The following BORCS5 variants were observed in gnomAD, a reference collection of about 807,000 sequenced individuals.
The protein encoded by BORCS5 is BLOC-1-related complex subunit 5.
In BORCS5, 17 loss-of-function variants were observed where a neutral mutation model predicts 22.1. The observed-to-expected ratio is 0.77, with a 90% CI of 0.53 to 1.15. The LOEUF is 1.15. Among genes scored for constraint, BORCS5 ranks in the 50% most tolerant of loss-of-function variants. The probability of loss-of-function intolerance (pLI) is 0.00; values close to 1 mark genes in which losing one functional copy is unlikely to be tolerated. For synonymous variants in BORCS5, 117 were observed against 99.8 expected (o/e 1.17, Z -1.03); for missense variants, 247 against 253.2 (o/e 0.98, Z 0.17).
chr12:12,432,894 A>C (rs984803937), intron 2 of BORCS5, among the ~76,000 whole-genome samples: 1 of 152,204 alleles, frequency 6.6e-6, no homozygotes, highest in Admixed American at 6.5e-5. Context: ...GGGATGAGAG[A>C]AAGAGTGGGG....
At chr12:12,394,865 C>G (rs1941293737) in intron 2 of BORCS5, among the ~76,000 whole-genome samples, 1 of 152,062 alleles carries the variant, frequency 6.6e-6, no homozygotes, top group African/African-American at 2.4e-5. Context: ...CAAAAACAAT[C>G]CTATGAGGGA....
At chr12:12,451,336 G>A (rs918147179) in intron 3 of BORCS5, among the ~76,000 whole-genome samples, 3 of 152,150 alleles carry the variant, frequency 2.0e-5, no homozygotes, top group African/African-American at 7.2e-5. Context: ...GTTTTCATGC[G>A]ATACATATCT....
At chr12:12,394,478 G>C (rs913790090) in intron 2 of BORCS5, among the ~76,000 whole-genome samples, 9 of 151,908 alleles carry the variant, frequency 5.9e-5, no homozygotes, top group Admixed American at 4.6e-4. Flanking sequence ...TGGCTGTTCA[G>C]GGAGTTGGAA....
chr12:12,458,298 C>T (rs553425205), intron 3 of BORCS5, among the ~76,000 whole-genome samples: 1 of 152,262 alleles, frequency 6.6e-6, no homozygotes, highest in Non-Finnish European at 1.5e-5. Context: ...TTTCCCTGAG[C>T]CTCTAACCCA....
chr12:12,443,015 C>G (rs1592131849), intron 3 of BORCS5, among the ~76,000 whole-genome samples: 1 of 152,324 alleles, frequency 6.6e-6, no homozygotes, highest in Middle Eastern at 3.4e-3. Flanking sequence ...CCGAGTGTTG[C>G]ACAGAGCATC....
At chr12:12,400,124 G>A (rs1388180652) in intron 2 of BORCS5, among the ~76,000 whole-genome samples, 2 of 152,220 alleles carry the variant, frequency 1.3e-5, no homozygotes, top group Non-Finnish European at 1.5e-5. Context: ...AATGTTTTCC[G>A]TAATGCTTCC....
In BORCS5 at chr12:12,416,382, T is replaced by C. The variant is rs181315531; in HGVS notation, c.203-19246T>C. Among the ~76,000 whole-genome samples the C allele has an allele frequency of 2.4e-4, 37 of 152,144 alleles. No homozygotes were observed. In the East Asian group the frequency reaches 6.9e-3, roughly 29 times the overall value. ...TTCTGCTAACTTTGGGTTTAGTTTG[T>C]TTTTCTAGTTCCTTAAGTTGTAAAG... On this transcript the variant is annotated intron_variant, in intron 2 of 3. Coordinates refer to ENST00000314565, the MANE Select transcript of BORCS5 (RefSeq NM_058169.6).
chr12:12,428,839 T>C (rs1241634354), intron 2 of BORCS5, among the ~76,000 whole-genome samples: 2 of 152,212 alleles, frequency 1.3e-5, no homozygotes, highest in Non-Finnish European at 2.9e-5. Context: ...TATACATTTT[T>C]CCCCTACTTT....
At chr12:12,369,712 CTTTTTTTT>C (rs71061052) in intron 2 of BORCS5, among the ~76,000 whole-genome samples, 14 of 42,952 alleles carry the variant, frequency 3.3e-4, no homozygotes, top group East Asian at 2.0e-3. Flanking sequence ...CCCCCCACTT[CTTTTTTTT>C]TTTTTTTTTT....
At chr12:12,423,825 A>G (rs1055220870) in intron 2 of BORCS5, among the ~76,000 whole-genome samples, 4 of 152,052 alleles carry the variant, frequency 2.6e-5, no homozygotes, top group Admixed American at 1.3e-4. Context: ...AGTAGCTGGG[A>G]CTACAGGCAT....
At position 12,465,540 on chromosome 12, in the gene BORCS5, C is replaced by G. The variant is rs761472695; in HGVS notation, c.361-6C>G. 3.1e-6 allele frequency: 5 copies of G among 1,612,736 alleles called. No individual in the cohort carries two copies. In the Admixed American group the frequency reaches 8.3e-5, roughly 27 times the overall value. On this transcript the variant is annotated splice_polypyrimidine_tract_variant and splice_region_variant and intron_variant, in intron 3 of 3. Transcript: ENST00000314565. ...GGTATAATGTACTTCTCTTTCCCAT[C>G]CACAGATGGATCTGTCTGTAGAAAC...
chr12:12,406,945 C>CA (rs1941609339), intron 2 of BORCS5, among the ~76,000 whole-genome samples: 1 of 152,152 alleles, frequency 6.6e-6, no homozygotes, highest in African/African-American at 2.4e-5. Flanking sequence ...AAGTGGAGAG[C>CA]ACCTAGGTCT....
intron 2 of BORCS5, among the ~76,000 whole-genome samples, chr12:12,426,729 T>G (rs1230434092): frequency 2.6e-5 from 4 of 152,264 alleles, no homozygotes; most frequent in Non-Finnish European, 5.9e-5. Flanking sequence ...ATTATCTTGC[T>G]TTTACATATG....
At chr12:12,366,063 G>T (rs536083288) in intron 2 of BORCS5, among the ~76,000 whole-genome samples, 1 of 152,144 alleles carries the variant, frequency 6.6e-6, no homozygotes, top group Non-Finnish European at 1.5e-5. Context: ...TGCTGCAGGG[G>T]CCAGGCATCA....
At chr12:12,435,891 T>C in intron 3 of BORCS5, 106 bp downstream of exon 3, 1 of 1,159,854 alleles carries the variant, frequency 8.6e-7, no homozygotes, top group Non-Finnish European at 1.2e-6. Flanking sequence ...TTTGAGGAGA[T>C]TGCTTTTTCC....
At chr12:12,431,105 C>T (rs570471431) in intron 2 of BORCS5, among the ~76,000 whole-genome samples, 1 of 152,306 alleles carries the variant, frequency 6.6e-6, no homozygotes, top group Non-Finnish European at 1.5e-5. Context: ...GCTGTTGCAT[C>T]AGAGGCTATG....
chr12:12,419,114 A>G (rs1482055101), intron 2 of BORCS5, among the ~76,000 whole-genome samples: 3 of 152,096 alleles, frequency 2.0e-5, no homozygotes, highest in Admixed American at 1.3e-4. Flanking sequence ...ATAAATAGGT[A>G]TATATGTGCC....
At chr12:12,447,472 G>T (rs929933038) in intron 3 of BORCS5, among the ~76,000 whole-genome samples, 2 of 152,138 alleles carry the variant, frequency 1.3e-5, no homozygotes, top group Non-Finnish European at 1.5e-5. Context: ...AATGACATGG[G>T]CCTCTGGACT....
intron 3 of BORCS5, among the ~76,000 whole-genome samples, chr12:12,459,327 A>T (rs1419459741): frequency 4.1e-5 from 6 of 147,844 alleles, no homozygotes; most frequent in African/African-American, 1.0e-4. Context: ...TTTTTTTTTT[A>T]AAGACAGGGT....
Sources: allele counts gnomAD v4.1 joint callset (sites outside exome capture counted in the v4.1 genomes callset), GRCh38; gene constraint gnomAD v4.1.1; transcripts MANE v1.5; gene names NCBI Gene and HGNC (gene_info 2026-07-23, HGNC 2026-07-21).